The following KLF12 variants were observed in gnomAD, a reference collection of about 807,000 sequenced individuals.
KLF12 encodes Krueppel-like factor 12.
In KLF12, 9 loss-of-function variants were observed where a neutral mutation model predicts 37.8. The ratio of observed to expected loss-of-function variants is 0.24; its 90% CI spans 0.14 to 0.42. The LOEUF (loss-of-function observed/expected upper bound fraction) is 0.42. Among genes scored for constraint, KLF12 ranks in the 10% least tolerant of loss-of-function variants. KLF12 has a pLI of 1.00. For missense variants in KLF12, 411 were observed against 516.0 expected (o/e 0.80, Z 1.97); for synonymous variants, 208 against 202.1 (o/e 1.03, Z -0.25).
chr13:74,192,208 C>T, the KLF12 span, among the ~76,000 whole-genome samples: 11 of 151,946 alleles, frequency 7.2e-5, no homozygotes, highest in African/African-American at 2.4e-4. Context: ...AATACTAGAT[C>T]TAAAATATAA....
At chr13:74,081,462 A>G (rs1874878235) in intron 1 of KLF12, among the ~76,000 whole-genome samples, 1 of 152,158 alleles carries the variant, frequency 6.6e-6, no homozygotes. Context: ...CTCCTAATTT[A>G]CCTCAAGGAC....
At chr13:73,938,462 G>A (rs1337909780) in intron 3 of KLF12, among the ~76,000 whole-genome samples, 8 of 151,978 alleles carry the variant, frequency 5.3e-5, no homozygotes, top group Non-Finnish European at 1.0e-4. Context: ...AAAAGCACCC[G>A]TCTCCAAATC....
At chr13:73,888,690 A>C (rs1394863221) in intron 3 of KLF12, among the ~76,000 whole-genome samples, 1 of 152,246 alleles carries the variant, frequency 6.6e-6, no homozygotes. Context: ...CAACAATTTT[A>C]CAGAAAATAA....
At chr13:74,149,238 GTAGATTTA>G in the KLF12 span, among the ~76,000 whole-genome samples, 1 of 152,122 alleles carries the variant, frequency 6.6e-6, no homozygotes, top group South Asian at 2.1e-4. Context: ...GCACTTAACT[GTAGATTTA>G]TATATTCTAC....
chr13:73,731,357 T>C (rs1478347545), intron 6 of KLF12, among the ~76,000 whole-genome samples: 1 of 152,092 alleles, frequency 6.6e-6, no homozygotes, highest in Non-Finnish European at 1.5e-5. Flanking sequence ...TTTCATTTGC[T>C]AGACAAGTAA....
chr13:73,821,148 T>C (rs1883503102), intron 4 of KLF12, among the ~76,000 whole-genome samples: 4 of 152,216 alleles, frequency 2.6e-5, no homozygotes, highest in Admixed American at 2.6e-4. Flanking sequence ...TCCTTCTAAC[T>C]TCTTCATCTC....
chr13:73,846,541 C>G (rs1373134021), intron 3 of KLF12, among the ~76,000 whole-genome samples, 168 bp from the exon 4 acceptor site: 1 of 152,098 alleles, frequency 6.6e-6, no homozygotes, highest in Admixed American at 6.6e-5. Context: ...GTGATTAAAA[C>G]TGAGGGCATA....
At chr13:74,194,202 G>A in the KLF12 span, among the ~76,000 whole-genome samples, 3 of 152,130 alleles carry the variant, frequency 2.0e-5, no homozygotes, top group African/African-American at 7.2e-5. Flanking sequence ...TTTCTGGGGT[G>A]GTGGTGGTGA....
chr13:74,301,197 A>G, the KLF12 span, among the ~76,000 whole-genome samples: 7 of 152,316 alleles, frequency 4.6e-5, no homozygotes, highest in South Asian at 2.1e-4. Flanking sequence ...GTATTTCAAT[A>G]TGGCCCTTAG....
At chr13:73,867,177 A>C (rs1458709890) in intron 3 of KLF12, among the ~76,000 whole-genome samples, 1 of 152,158 alleles carries the variant, frequency 6.6e-6, no homozygotes, top group Non-Finnish European at 1.5e-5. Flanking sequence ...TTCGATTTTT[A>C]AGAAAAACTT....
chr13:73,799,734 A>G lies in KLF12; in HGVS notation c.806+13418T>C, dbSNP rs1882185148. Reference sequence around the variant, plus strand: ...TCAATTTTCTGATTTGCATTTTCCTATTATATATTAGAAAAAGTGTCTCTT... The same window carrying G: ...TCAATTTTCTGATTTGCATTTTCCTGTTATATATTAGAAAAAGTGTCTCTT... On this transcript the variant is annotated intron_variant, in intron 5 of 7. Coordinates refer to ENST00000377669, the MANE Select transcript of KLF12 (RefSeq NM_007249.5). 2.6e-5 allele frequency among the ~76,000 whole-genome samples: 4 copies of G among 152,118 alleles called. No homozygotes were observed. The South Asian group carries it at 6.2e-4, about 24-fold the overall frequency.
intron 5 of KLF12, among the ~76,000 whole-genome samples, chr13:73,797,038 G>A (rs1472351288): frequency 6.6e-6 from 1 of 152,070 alleles, no homozygotes; most frequent in Non-Finnish European, 1.5e-5. Context: ...TATTGGACAG[G>A]GACACAAGGC....
At chr13:73,814,560 G>A (rs938640545) in intron 4 of KLF12, among the ~76,000 whole-genome samples, 3 of 152,180 alleles carry the variant, frequency 2.0e-5, no homozygotes, top group Admixed American at 6.5e-5. Context: ...GTGTGCACCC[G>A]TGTATTTGAT....
chr13:74,065,746 C>T (rs892706035), intron 1 of KLF12, among the ~76,000 whole-genome samples: 1 of 151,974 alleles, frequency 6.6e-6, no homozygotes, highest in Non-Finnish European at 1.5e-5. Context: ...TGGCTTGGGA[C>T]CGCAACTACA....
the KLF12 span, among the ~76,000 whole-genome samples, chr13:74,139,874 T>C: frequency 6.6e-6 from 1 of 152,090 alleles, no homozygotes; most frequent in Non-Finnish European, 1.5e-5. Flanking sequence ...CCTTGCTTTT[T>C]TAACTTTACA....
At chr13:74,284,643 C>T in the KLF12 span, among the ~76,000 whole-genome samples, 74 of 152,294 alleles carry the variant, frequency 4.9e-4, 3 homozygotes, top group East Asian at 0.012. Flanking sequence ...TAATTCATGG[C>T]TCCCTGACAA....
intron 2 of KLF12, among the ~76,000 whole-genome samples, chr13:73,952,354 C>A (rs1299554967): frequency 6.6e-6 from 1 of 152,182 alleles, no homozygotes; most frequent in Non-Finnish European, 1.5e-5. Context: ...GCACATCTTA[C>A]ATGGCTGGAG....
the KLF12 span, among the ~76,000 whole-genome samples, chr13:74,169,930 A>AT: frequency 1.3e-5 from 2 of 152,172 alleles, no homozygotes. Context: ...ACAGCTGCAC[A>AT]TTTTTCACTC....
At chr13:74,084,088 C>T (rs1456936902) in intron 1 of KLF12, among the ~76,000 whole-genome samples, 1 of 152,144 alleles carries the variant, frequency 6.6e-6, no homozygotes, top group Non-Finnish European at 1.5e-5. Flanking sequence ...CGAACAAGTA[C>T]GTGAGGTTCA....
Sources: gnomAD v4.1 joint callset for allele counts (sites outside exome capture counted in the v4.1 genomes callset) on GRCh38, gnomAD v4.1.1 for gene constraint, MANE v1.5 for transcripts, NCBI Gene and HGNC (gene_info 2026-07-23, HGNC 2026-07-21) for gene names.